The following SHLD1 variants were observed in gnomAD, a reference collection of about 807,000 sequenced individuals.
SHLD1 encodes the protein shieldin complex subunit 1, also known as RINN1-REV7-interacting novel NHEJ regulator 3.
Under a neutral mutation model 5.5 loss-of-function variants are expected in SHLD1, and 3 were observed. The observed-to-expected ratio is 0.54, with a 90% CI of 0.25 to 1.40. The LOEUF is 1.40. SHLD1 is among the 40% of genes most tolerant of loss of function. SHLD1 has a pLI of 0.15. For synonymous variants in SHLD1, 92 were observed against 94.3 expected (o/e 0.98, Z 0.14); for missense variants, 210 against 244.4 (o/e 0.86, Z 0.94).
intron 1 of SHLD1, among the ~76,000 whole-genome samples, chr20:5,758,065 T>A (rs1029558959): frequency 1.3e-5 from 2 of 151,758 alleles, no homozygotes; most frequent in East Asian, 3.9e-4. Context: ...ACAGGATGCA[T>A]AGAGTGAATT....
At chr20:5,851,424 G>T (rs1051330093) in intron 2 of SHLD1, among the ~76,000 whole-genome samples, 1 of 151,466 alleles carries the variant, frequency 6.6e-6, no homozygotes, top group African/African-American at 2.4e-5. Context: ...CTAGGACTTC[G>T]AGGCTACAGT....
chr20:5,792,632 C>T (rs2087156725), intron 2 of SHLD1, among the ~76,000 whole-genome samples: 1 of 149,458 alleles, frequency 6.7e-6, no homozygotes, highest in Non-Finnish European at 1.5e-5. Context: ...GTTGGCCAGG[C>T]TGGTCTCGAA....
At chr20:5,766,946 T>C (rs564559299) in intron 1 of SHLD1, among the ~76,000 whole-genome samples, 1 of 152,158 alleles carries the variant, frequency 6.6e-6, no homozygotes, top group South Asian at 2.1e-4. Flanking sequence ...TTTGAGATCT[T>C]TGAAGTTCTG....
intron 2 of SHLD1, among the ~76,000 whole-genome samples, chr20:5,840,930 T>A (rs1288585254): frequency 6.6e-6 from 1 of 152,116 alleles, no homozygotes; most frequent in Non-Finnish European, 1.5e-5. Flanking sequence ...TTTAATATTC[T>A]TAGGGCTTGT....
chr20:5,772,027 A>T (rs1005232864), intron 1 of SHLD1: 1 of 415,802 alleles, frequency 2.4e-6, no homozygotes, highest in East Asian at 7.2e-5. Flanking sequence ...GGCACCCACC[A>T]CCAAGCCTGG....
rs1600096323 is a variant in SHLD1, at chr20:5,764,170, ATATATT to A, written c.-4-8690_-4-8685del. Among the ~76,000 whole-genome samples the A allele has an allele frequency of 3.3e-4, 28 of 84,250 alleles. 1 individual carries two copies. In the East Asian group the frequency reaches 7.7e-3, roughly 23 times the overall value. The allele number at this position is 84,250 out of a possible 152,430, so 55.3% of individuals were successfully genotyped here. On this transcript the variant is annotated intron_variant, in intron 1 of 2. Coordinates refer to ENST00000303142, the MANE Select transcript of SHLD1 (RefSeq NM_152504.4). ...TATATATTTATATTTATATATATATATATATTTTTATATATATATATTTTATATATA... is the reference window on the plus strand; with the variant it reads ...TATATATTTATATTTATATATATATATTTATATATATATATTTTATATATA...
intron 2 of SHLD1, among the ~76,000 whole-genome samples, chr20:5,832,064 G>T (rs140136876): frequency 6.6e-6 from 1 of 152,098 alleles, no homozygotes; most frequent in Non-Finnish European, 1.5e-5. Flanking sequence ...CCTCAGCCTC[G>T]CAGGTAGCTG....
At chr20:5,787,429 T>C (rs1228457493) in intron 2 of SHLD1, among the ~76,000 whole-genome samples, 1 of 152,230 alleles carries the variant, frequency 6.6e-6, no homozygotes, top group Non-Finnish European at 1.5e-5. Context: ...GCCAACCTTT[T>C]AGCTCCCTGG....
At chr20:5,826,126 C>A (rs2122425163) in intron 2 of SHLD1, among the ~76,000 whole-genome samples, 1 of 152,318 alleles carries the variant, frequency 6.6e-6, no homozygotes, top group African/African-American at 2.4e-5. Flanking sequence ...GGTTATTTTT[C>A]TGTGCTGTTC....
intron 1 of SHLD1, among the ~76,000 whole-genome samples, chr20:5,761,078 A>G (rs1984437310): frequency 6.6e-6 from 1 of 152,120 alleles, no homozygotes. Context: ...CTGCAGCCAT[A>G]AAAAACAATG....
At chr20:5,789,403 C>T (rs567067446) in intron 2 of SHLD1, among the ~76,000 whole-genome samples, 1 of 151,608 alleles carries the variant, frequency 6.6e-6, no homozygotes, top group South Asian at 2.1e-4. Context: ...ATGGTGAAAC[C>T]CTGTCTCTAC....
rs895665786 is a variant in SHLD1, at chr20:5,863,705, C to T, written c.*242C>T. 1.9e-5 allele frequency: 9 copies of T among 464,158 alleles called. No individual in the cohort carries two copies. The highest frequency in any genetic ancestry group is 4.0e-5 in the African/African-American group (2 of 50,586). The allele number at this position is 464,158 out of a possible 1,614,324, so 28.8% of individuals were successfully genotyped here. A position where few individuals can be genotyped will look rare whatever the true frequency, so the allele number is the denominator to read the frequency against. ...CCAAGGCCGCTGACTGACTGGGCTA[C>T]GAGTCAAAAGCCCAGCTCCCTTGCC... On this transcript the variant is annotated 3_prime_UTR_variant, in exon 3 of 3. Transcript: ENST00000303142.
At chr20:5,788,733 C>T in intron 2 of SHLD1, among the ~76,000 whole-genome samples, 1 of 152,172 alleles carries the variant, frequency 6.6e-6, no homozygotes, top group East Asian at 1.9e-4. Context: ...TTAAGGTCAC[C>T]ACTGTTAGTT....
At chr20:5,776,534 G>A (rs924357082) in intron 2 of SHLD1, among the ~76,000 whole-genome samples, 4 of 152,038 alleles carry the variant, frequency 2.6e-5, no homozygotes, top group Non-Finnish European at 5.9e-5. Context: ...AGGCCGAGGC[G>A]GGTGCATCGC....
rs957949729 is a variant in SHLD1, at chr20:5,753,196, TAAAAA to T, written c.-5+2720_-5+2724del. Among the ~76,000 whole-genome samples, 8 of 152,290 alleles carry T rather than the reference TAAAAA, an allele frequency of 5.3e-5. No homozygotes were observed. The South Asian group carries it at 1.5e-3, about 28-fold the overall frequency. On this transcript the variant is annotated intron_variant, in intron 1 of 2. Transcript: ENST00000303142. ...GATAAGCCACATTATACCAGGTTAA[TAAAAA>T]AAGAAAATCCCATTTAACAAGATTT...
intron 1 of SHLD1, among the ~76,000 whole-genome samples, chr20:5,767,838 TAA>T (rs1268254911): frequency 1.3e-5 from 2 of 152,184 alleles, no homozygotes; most frequent in African/African-American, 2.4e-5. Flanking sequence ...AGAGCTTAAT[TAA>T]AGAGTCTTTG....
intron 1 of SHLD1, 107 bp from the exon 2 acceptor site, chr20:5,772,755 A>G: frequency 1.8e-6 from 2 of 1,135,974 alleles, no homozygotes; most frequent in Non-Finnish European, 2.4e-6. Context: ...CTACAAAAAT[A>G]AAAATAAAAA....
intron 2 of SHLD1, among the ~76,000 whole-genome samples, chr20:5,822,171 C>T (rs551640838): frequency 2.0e-5 from 3 of 152,098 alleles, no homozygotes; most frequent in Admixed American, 6.6e-5. Context: ...AAAGTAAGTG[C>T]TCAAAGCCAG....
chr20:5,847,466 A>G (rs776715664), intron 2 of SHLD1, among the ~76,000 whole-genome samples: 1 of 152,226 alleles, frequency 6.6e-6, no homozygotes, highest in African/African-American at 2.4e-5. Context: ...TTTCCATGTA[A>G]GAGACGGAAA....
Sources: allele counts gnomAD v4.1 joint callset (sites outside exome capture counted in the v4.1 genomes callset), GRCh38; gene constraint gnomAD v4.1.1; transcripts MANE v1.5; gene names NCBI Gene and HGNC (gene_info 2026-07-23, HGNC 2026-07-21).